SLC16A7: variants seen among roughly 807,000 people sequenced by gnomAD.
The protein encoded by SLC16A7 is monocarboxylate transporter 2.
In SLC16A7, 33 loss-of-function variants were observed where a neutral mutation model predicts 34.9. The ratio of observed to expected loss-of-function variants is 0.94; its 90% confidence interval spans 0.72 to 1.26. SLC16A7 has a LOEUF of 1.26. Among genes scored for constraint, SLC16A7 ranks in the 50% most tolerant of loss-of-function variants. SLC16A7 has a pLI of 0.00. For missense variants in SLC16A7, 573 were observed against 578.1 expected (o/e 0.99, Z 0.09); for synonymous variants, 201 against 206.6 (o/e 0.97, Z 0.23).
At position 59,712,902 on chromosome 12, in the gene SLC16A7, A is replaced by G. The variant is rs145828212; in HGVS notation, c.217+7884A>G. 1.4e-3 allele frequency among the ~76,000 whole-genome samples: 213 copies of G among 152,262 alleles called. 1 individual carries two copies. Among genetic ancestry groups the G allele is most frequent in the Middle Eastern group, 6.8e-3 (2 of 294 alleles). On this transcript the variant is annotated intron_variant, in intron 3 of 5. Transcript: ENST00000547379. Reference sequence around the variant, plus strand: ...TTTAACTAGGATATATGATAGATACATGTGGTTAAGTTCCCCAAAGGTCCT... The same window carrying G: ...TTTAACTAGGATATATGATAGATACGTGTGGTTAAGTTCCCCAAAGGTCCT...
At chr12:59,743,027 A>G (rs183513682) in intron 3 of SLC16A7, among the ~76,000 whole-genome samples, 13 of 152,212 alleles carry the variant, frequency 8.5e-5, no homozygotes, top group African/African-American at 2.4e-4. Flanking sequence ...AGAAGAAACC[A>G]CTCTTTCAGA....
intron 3 of SLC16A7, among the ~76,000 whole-genome samples, chr12:59,729,790 C>G (rs74094089): frequency 1.3e-5 from 2 of 152,100 alleles, no homozygotes; most frequent in African/African-American, 4.8e-5. Flanking sequence ...TGTGGAATGA[C>G]GAGTTCAGGA....
At chr12:59,604,061 TC>T (rs1878819687) in intron 1 of SLC16A7, among the ~76,000 whole-genome samples, 1 of 152,246 alleles carries the variant, frequency 6.6e-6, no homozygotes, top group South Asian at 2.1e-4. Flanking sequence ...CAGTTTTTCT[TC>T]CTGTTTTTTG....
rs1879502735 is a variant in SLC16A7, at chr12:59,617,405, A to G, written c.-130+21169A>G. 2.6e-5 allele frequency among the ~76,000 whole-genome samples: 4 copies of G among 152,020 alleles called. 1 individual carries two copies. Among genetic ancestry groups the G allele is most frequent in the Admixed American group, 2.6e-4 (4 of 15,246 alleles). The stretch of plus-strand genomic sequence containing the variant: ...ATTATTGATGCCATTTTTGTAGAAG[A>G]TTTTAGGACATTGGTATTTTATGGA... On this transcript the variant is annotated intron_variant, in intron 1 of 5. Transcript: ENST00000547379.
intron 1 of SLC16A7, among the ~76,000 whole-genome samples, chr12:59,608,906 A>G (rs542264244): frequency 6.6e-6 from 1 of 152,348 alleles, no homozygotes; most frequent in African/African-American, 2.4e-5. Context: ...AAATGCCTAG[A>G]AACCTAATTA....
intron 3 of SLC16A7, among the ~76,000 whole-genome samples, chr12:59,711,101 C>A (rs1439353412): frequency 6.6e-6 from 1 of 152,180 alleles, no homozygotes. Context: ...AGGAAGATTG[C>A]TAGGACATGG....
At chr12:59,599,934 A>G (rs1009285159) in intron 1 of SLC16A7, among the ~76,000 whole-genome samples, 3 of 152,152 alleles carry the variant, frequency 2.0e-5, no homozygotes, top group African/African-American at 7.2e-5. Context: ...TATCTGATTC[A>G]TCTTGGAACC....
chr12:59,618,148 G>A (rs1472238328), intron 1 of SLC16A7, among the ~76,000 whole-genome samples: 2 of 151,452 alleles, frequency 1.3e-5, no homozygotes, highest in Non-Finnish European at 3.0e-5. Context: ...TTTCTTTTTA[G>A]AGCCATAGTA....
chr12:59,620,435 G>T (rs867950316), intron 1 of SLC16A7, among the ~76,000 whole-genome samples: 7 of 152,054 alleles, frequency 4.6e-5, no homozygotes, highest in South Asian at 4.1e-4. Context: ...AAGGAAGTAG[G>T]TATCAACCAA....
At chr12:59,621,447 C>T (rs1879692658) in intron 1 of SLC16A7, among the ~76,000 whole-genome samples, 1 of 151,812 alleles carries the variant, frequency 6.6e-6, no homozygotes, top group African/African-American at 2.4e-5. Context: ...GTGGATTCTT[C>T]CTAATTATTA....
chr12:59,654,359 A>G (rs1454277574), intron 1 of SLC16A7, among the ~76,000 whole-genome samples: 1 of 151,686 alleles, frequency 6.6e-6, no homozygotes, highest in African/African-American at 2.4e-5. Flanking sequence ...TTCATTGCCA[A>G]ACACTATATG....
intron 2 of SLC16A7, among the ~76,000 whole-genome samples, chr12:59,688,020 C>G (rs1277817409): frequency 6.6e-6 from 1 of 152,066 alleles, no homozygotes; most frequent in African/African-American, 2.4e-5. Context: ...GAAGAAAGAC[C>G]TGGTAACTTT....
chr12:59,623,739 C>T (rs1879800630), intron 1 of SLC16A7, among the ~76,000 whole-genome samples: 1 of 151,452 alleles, frequency 6.6e-6, no homozygotes, highest in South Asian at 2.1e-4. Flanking sequence ...CTCTTACATT[C>T]CATTTCTATT....
intron 3 of SLC16A7, among the ~76,000 whole-genome samples, chr12:59,736,407 G>A (rs2178671): frequency 0.12 from 18,677 of 152,138 alleles, 1,501 homozygotes; most frequent in African/African-American, 0.22. Flanking sequence ...CTAATTTTAA[G>A]CACCATATCC....
intron 3 of SLC16A7, among the ~76,000 whole-genome samples, chr12:59,770,091 C>T (rs1482800677): frequency 6.6e-5 from 10 of 151,938 alleles, no homozygotes; most frequent in Non-Finnish European, 2.9e-5. Flanking sequence ...AGTTTCTTAA[C>T]ATTTAGAATT....
intron 3 of SLC16A7, among the ~76,000 whole-genome samples, chr12:59,765,585 A>C (rs1316163769): frequency 6.6e-6 from 1 of 152,226 alleles, no homozygotes; most frequent in African/African-American, 2.4e-5. Flanking sequence ...TTTATTAAAT[A>C]GGGAATCCTT....
At position 59,783,618 on chromosome 12, in the gene SLC16A7, G is replaced by A. The variant is rs2137501928; in HGVS notation, c.*3939G>A. ...TAGTGTTTATTAGAGAACTGCATTT[G>A]CTAGAACCTGAATATGTAATTTCTT... is the stretch of plus-strand genomic sequence containing the variant. On this transcript the variant is annotated 3_prime_UTR_variant, in exon 6 of 6. Transcript: ENST00000547379. 1 of 150,896 alleles carries A rather than the reference G, an allele frequency of 6.6e-6. No homozygotes were observed. The allele number at this position is 150,896 out of a possible 1,614,324, so 9.3% of individuals were successfully genotyped here.
intron 2 of SLC16A7, among the ~76,000 whole-genome samples, chr12:59,665,160 A>G (rs1869089161): frequency 6.6e-6 from 1 of 152,140 alleles, no homozygotes; most frequent in South Asian, 2.1e-4. Context: ...TTAGATGGGA[A>G]GAGAATTTTT....
At position 59,783,409 on chromosome 12, in the gene SLC16A7, G is replaced by A. The variant is rs1262097828; in HGVS notation, c.*3730G>A. 1 of 152,074 alleles carries A rather than the reference G, an allele frequency of 6.6e-6. No homozygotes were observed. Among genetic ancestry groups the A allele is most frequent in the Non-Finnish European group, 1.5e-5 (1 of 68,006 alleles). The allele number at this position is 152,074 out of a possible 1,614,324, so 9.4% of individuals were successfully genotyped here. A position where few individuals can be genotyped will look rare whatever the true frequency, so the allele number is the denominator to read the frequency against. On this transcript the variant is annotated 3_prime_UTR_variant, in exon 6 of 6. Transcript: ENST00000547379. ...CTCAGCAGACTACCCAAAGTTAAAA[G>A]GTAGTATGAACCAAAATTAAAACTC...
Sources: gnomAD v4.1 joint callset for allele counts (sites outside exome capture counted in the v4.1 genomes callset) on GRCh38, gnomAD v4.1.1 for gene constraint, MANE v1.5 for transcripts, NCBI Gene and HGNC (gene_info 2026-07-23, HGNC 2026-07-21) for gene names.